The following PEX14 variants were observed in gnomAD, a reference collection of about 807,000 sequenced individuals.
PEX14 encodes peroxisomal biogenesis factor 14.
Under a neutral mutation model 49.5 loss-of-function variants are expected in PEX14, and 15 were observed. The observed-to-expected ratio is 0.30, with a 90% CI of 0.20 to 0.47. The LOEUF (loss-of-function observed/expected upper bound fraction) is 0.47. Among genes scored for constraint, PEX14 ranks in the 20% least tolerant of loss-of-function variants. The pLI, the probability that PEX14 is intolerant of heterozygous loss-of-function variation, is 1.00. For synonymous variants in PEX14, 210 were observed against 212.7 expected, an observed-to-expected ratio of 0.99 and a Z score of 0.11; for missense variants, 398 against 494.8, an observed-to-expected ratio of 0.80 and a Z score of 1.86.
intron 3 of PEX14, among the ~76,000 whole-genome samples, chr1:10,547,617 GT>G (rs1639214709): frequency 1.3e-5 from 2 of 152,056 alleles, no homozygotes; most frequent in South Asian, 4.1e-4. Context: ...GATTAACAGT[GT>G]TAACTAATAA....
chr1:10,627,057 G>A (rs148695190), intron 7 of PEX14, among the ~76,000 whole-genome samples: 25 of 152,270 alleles, frequency 1.6e-4, no homozygotes, highest in African/African-American at 2.6e-4. Context: ...GATTCCTTAC[G>A]TCATCAGATG....
At chr1:10,518,381 G>A (rs1367837119) in intron 2 of PEX14, among the ~76,000 whole-genome samples, 1 of 152,146 alleles carries the variant, frequency 6.6e-6, no homozygotes, top group Non-Finnish European at 1.5e-5. Flanking sequence ...CCGATGCCAG[G>A]GGGAACCTCC....
intron 3 of PEX14, among the ~76,000 whole-genome samples, chr1:10,592,548 G>A (rs6668131): frequency 0.78 from 119,082 of 152,072 alleles, 48,141 homozygotes; most frequent in South Asian, 0.9. Flanking sequence ...TGTCTTGTTC[G>A]CCAGTTATAC....
At chr1:10,504,282 C>G (rs1262697103) in intron 2 of PEX14, among the ~76,000 whole-genome samples, 1 of 152,188 alleles carries the variant, frequency 6.6e-6, no homozygotes, top group Non-Finnish European at 1.5e-5. Context: ...CAAATCTTCT[C>G]TCTGCCATTA....
chr1:10,596,378 A>G (rs1360317878), intron 3 of PEX14, among the ~76,000 whole-genome samples: 1 of 152,226 alleles, frequency 6.6e-6, no homozygotes, highest in African/African-American at 2.4e-5. Context: ...TCCAGGCGTC[A>G]TTTACAGATA....
At chr1:10,606,438 C>G (rs1018726298) in intron 4 of PEX14, among the ~76,000 whole-genome samples, 1 of 152,212 alleles carries the variant, frequency 6.6e-6, no homozygotes, top group Non-Finnish European at 1.5e-5. Flanking sequence ...GCGAGTGAGG[C>G]TGAGATGTAG....
intron 4 of PEX14, among the ~76,000 whole-genome samples, chr1:10,615,941 T>C (rs1641402144): frequency 6.6e-6 from 1 of 152,168 alleles, no homozygotes; most frequent in Admixed American, 6.5e-5. Flanking sequence ...CCTGTGCTAT[T>C]CGATGAGTAA....
chr1:10,569,012 T>C (rs1170427521), intron 3 of PEX14, among the ~76,000 whole-genome samples: 2 of 152,050 alleles, frequency 1.3e-5, no homozygotes, highest in African/African-American at 4.8e-5. Context: ...AGTGCTGGGA[T>C]TTACAGGCAT....
At position 10,618,393 on chromosome 1, in the gene PEX14, A is replaced by G. The variant is rs148479162; in HGVS notation, c.360A>G (p.Ala120=). 899 of 1,613,654 alleles carry G rather than the reference A, an allele frequency of 5.6e-4. No homozygotes were observed. Among genetic ancestry groups the G allele is most frequent in the Non-Finnish European group, 6.9e-4 (809 of 1,179,970 alleles). ...GALAIIMAGI[A]FGFHQLYKKY... ...TGGCCATCATCATGGCAGGCATTGC[A>G]TTTGGCTTTCACCAGCTCTACAAGG... Residue 120 remains alanine (A), a synonymous_variant, in exon 5 of 9, where the codon GCA becomes GCG. Coordinates refer to ENST00000356607, the MANE Select transcript of PEX14 (RefSeq NM_004565.3).
At chr1:10,508,726 C>T (rs1009974837) in intron 2 of PEX14, among the ~76,000 whole-genome samples, 1 of 152,194 alleles carries the variant, frequency 6.6e-6, no homozygotes, top group South Asian at 2.1e-4. Context: ...GCAAATTGGC[C>T]GTGACATTTC....
At chr1:10,617,442 A>G (rs935179091) in intron 4 of PEX14, among the ~76,000 whole-genome samples, 6 of 152,202 alleles carry the variant, frequency 3.9e-5, no homozygotes, top group Admixed American at 2.6e-4. Context: ...TTGACCACAC[A>G]GTCCACCTGG....
intron 3 of PEX14, among the ~76,000 whole-genome samples, chr1:10,583,667 T>TGAGTC (rs1553193337): frequency 6.6e-6 from 1 of 151,712 alleles, no homozygotes; most frequent in African/African-American, 2.4e-5. Flanking sequence ...AATATAAACA[T>TGAGTC]GAGTAAGAGC....
At chr1:10,554,622 G>T (rs1639433393) in intron 3 of PEX14, among the ~76,000 whole-genome samples, 1 of 152,202 alleles carries the variant, frequency 6.6e-6, no homozygotes, top group Non-Finnish European at 1.5e-5. Context: ...CCCACACAGT[G>T]CAGTCCAGAT....
intron 4 of PEX14, among the ~76,000 whole-genome samples, chr1:10,600,595 G>A (rs1344881049): frequency 6.6e-6 from 1 of 151,884 alleles, no homozygotes; most frequent in Non-Finnish European, 1.5e-5. Flanking sequence ...GCACACGCCT[G>A]TAATCCCAGC....
chr1:10,594,405 C>T (rs1244437264), intron 3 of PEX14, among the ~76,000 whole-genome samples: 1 of 152,152 alleles, frequency 6.6e-6, no homozygotes, highest in East Asian at 1.9e-4. Flanking sequence ...GGCTGCAGAG[C>T]GGGGAGGAAG....
At chr1:10,601,411 C>G (rs576305311) in intron 4 of PEX14, among the ~76,000 whole-genome samples, 1 of 152,178 alleles carries the variant, frequency 6.6e-6, no homozygotes, top group Non-Finnish European at 1.5e-5. Flanking sequence ...TCAGCTGCAG[C>G]TAGGCAGGTG....
chr1:10,576,382 C>A (rs929018765), intron 3 of PEX14, among the ~76,000 whole-genome samples: 14 of 152,046 alleles, frequency 9.2e-5, no homozygotes, highest in African/African-American at 3.4e-4. Flanking sequence ...AAAAACCCTA[C>A]GAGGTATGTA....
intron 3 of PEX14, among the ~76,000 whole-genome samples, chr1:10,559,898 G>A (rs932878076): frequency 6.6e-5 from 10 of 152,004 alleles, no homozygotes; most frequent in African/African-American, 1.7e-4. Flanking sequence ...TTTCAGTCTC[G>A]CCTCCCCTGG....
chr1:10,533,337 G>A (rs1379298994), intron 2 of PEX14, among the ~76,000 whole-genome samples: 1 of 152,046 alleles, frequency 6.6e-6, no homozygotes, highest in African/African-American at 2.4e-5. Context: ...TAGGTGTTTG[G>A]CAGTATTATT....
Sources: allele counts gnomAD v4.1 joint callset (sites outside exome capture counted in the v4.1 genomes callset), GRCh38; gene constraint gnomAD v4.1.1; transcripts MANE v1.5; gene names NCBI Gene and HGNC (gene_info 2026-07-23, HGNC 2026-07-21).